The following MIA2 variants were observed in gnomAD, a reference collection of about 807,000 sequenced individuals.
The protein encoded by MIA2 is MIA SH3 domain ER export factor 2, also known as melanoma inhibitory activity protein 2.
In MIA2, 127 loss-of-function variants were observed where a neutral mutation model predicts 167.8. That is an observed-to-expected ratio of 0.76 (90% CI 0.66 to 0.88). The LOEUF is 0.88. Ranked by LOEUF, MIA2 falls within the 40% of genes least tolerant of loss-of-function variation. The pLI, the probability that MIA2 is intolerant of heterozygous loss-of-function variation, is 0.00. For missense variants in MIA2, 1,690 were observed against 1,624.7 expected (o/e 1.04, Z -0.69); for synonymous variants, 552 against 541.9 (o/e 1.02, Z -0.26).
chr14:39,314,183 C>T (rs1159219447), intron 19 of MIA2, among the ~76,000 whole-genome samples: 3 of 152,108 alleles, frequency 2.0e-5, no homozygotes, highest in Non-Finnish European at 4.4e-5. Flanking sequence ...GTCAGGAATT[C>T]GAGCCCAGCC....
At chr14:39,289,390 T>G (rs2060411825) in intron 9 of MIA2, among the ~76,000 whole-genome samples, 1 of 152,108 alleles carries the variant, frequency 6.6e-6, no homozygotes, top group Non-Finnish European at 1.5e-5. Flanking sequence ...AATTTTTGTA[T>G]TTTTAGTAGA....
At chr14:39,266,781 G>C (rs942459759) in intron 6 of MIA2, 2 of 982,320 alleles carry the variant, frequency 2.0e-6, no homozygotes, top group Non-Finnish European at 2.4e-6. Context: ...AGGCTCCAGC[G>C]AGGCTGCGGA....
intron 2 of MIA2, 149 bp downstream of exon 2, chr14:39,237,204 T>G: frequency 1.2e-6 from 1 of 856,792 alleles, no homozygotes; most frequent in Middle Eastern, 3.1e-4. Flanking sequence ...CACTACAACT[T>G]CCAGCTTCCA....
intron 4 of MIA2, among the ~76,000 whole-genome samples, chr14:39,252,376 G>A (rs1292292384): frequency 6.6e-6 from 1 of 152,112 alleles, no homozygotes; most frequent in Non-Finnish European, 1.5e-5. Flanking sequence ...TGAAAATGGA[G>A]GATGGGGCCA....
chr14:39,277,730 A>T (rs1229359743), intron 7 of MIA2, among the ~76,000 whole-genome samples: 3 of 4,804 alleles, frequency 6.2e-4, no homozygotes, highest in African/African-American at 3.9e-3. Context: ...GTATATATAT[A>T]TATATATATA....
intron 23 of MIA2, chr14:39,385,324 T>TAA (rs149444734): frequency 1.2e-3 from 796 of 655,924 alleles, no homozygotes; most frequent in South Asian, 4.6e-3. Flanking sequence ...AAATCCTCTT[T>TAA]AAAAAAAAAA....
In MIA2 at chr14:39,288,213, C is replaced by T. The variant is rs1298032307; in HGVS notation, c.2131-2806C>T. ...GTGAGGGTGTGTGCCTATAGTCCCA[C>T]CTACTTGGGAGCATGAGGTGGGAGG... On this transcript the variant is annotated intron_variant, in intron 9 of 28. Coordinates refer to ENST00000640607, the MANE Select transcript of MIA2 (RefSeq NM_001329214.4). 2.0e-5 allele frequency among the ~76,000 whole-genome samples: 3 copies of T among 151,606 alleles called. No homozygotes were observed. In the East Asian group the frequency reaches 5.8e-4, roughly 29 times the overall value.
At chr14:39,265,275 A>G in intron 6 of MIA2, 1 of 799,936 alleles carries the variant, frequency 1.3e-6, no homozygotes, top group Non-Finnish European at 2.1e-6. Flanking sequence ...AAACGGGATC[A>G]CAGTGTGGAA....
intron 25 of MIA2, among the ~76,000 whole-genome samples, chr14:39,332,115 A>C (rs7149197): frequency 0.2 from 30,332 of 151,966 alleles, 3,000 homozygotes; most frequent in Middle Eastern, 0.28. Flanking sequence ...ATAGTCCCAT[A>C]TTTCTTGGAG....
chr14:39,279,092 T>C (rs2058557123), intron 7 of MIA2, among the ~76,000 whole-genome samples: 1 of 131,696 alleles, frequency 7.6e-6, no homozygotes, highest in Non-Finnish European at 1.5e-5. Context: ...ACCCAGGAGG[T>C]GGAGGTTGCA....
chr14:39,243,679 A>C (rs1279202911), intron 3 of MIA2, among the ~76,000 whole-genome samples: 1 of 152,170 alleles, frequency 6.6e-6, no homozygotes, highest in Non-Finnish European at 1.5e-5. Context: ...CAGCCTGACC[A>C]ATACGGTGAA....
chr14:39,290,367 C>G (rs2060566295), intron 9 of MIA2, among the ~76,000 whole-genome samples: 1 of 151,074 alleles, frequency 6.6e-6, no homozygotes, highest in Non-Finnish European at 1.5e-5. Flanking sequence ...TTTTCTTGTT[C>G]TTGCCAGAAA....
At chr14:39,362,379 G>C (rs1234131625) in intron 23 of MIA2, among the ~76,000 whole-genome samples, 1 of 152,092 alleles carries the variant, frequency 6.6e-6, no homozygotes, top group Non-Finnish European at 1.5e-5. Flanking sequence ...TTATTGGTCT[G>C]TTCAGGTTTT....
intron 3 of MIA2, among the ~76,000 whole-genome samples, chr14:39,245,723 C>T (rs538586098): frequency 6.6e-5 from 10 of 152,178 alleles, no homozygotes; most frequent in South Asian, 4.1e-4. Context: ...GCAAGACAGG[C>T]GCTGAACTGG....
intron 6 of MIA2, chr14:39,269,073 A>AGTTTTTTTT (rs2056602097): frequency 1.1e-5 from 4 of 362,210 alleles, no homozygotes; most frequent in East Asian, 2.8e-4. Flanking sequence ...TCACCTGCAC[A>AGTTTTTTTT]GTTTTTTTTT....
intron 6 of MIA2, chr14:39,265,443 A>G (rs776492481): frequency 6.3e-7 from 1 of 1,588,806 alleles, no homozygotes; most frequent in Non-Finnish European, 8.6e-7. Context: ...ACTATTAAGC[A>G]TACTGAAACA....
intron 25 of MIA2, among the ~76,000 whole-genome samples, chr14:39,344,903 T>C (rs2072883727): frequency 6.6e-6 from 1 of 152,086 alleles, no homozygotes; most frequent in Non-Finnish European, 1.5e-5. Flanking sequence ...TGCACCAACC[T>C]AATACCATAT....
intron 23 of MIA2, chr14:39,385,734 T>C (rs1433568035): frequency 1.1e-6 from 1 of 909,404 alleles, no homozygotes; most frequent in East Asian, 2.4e-5. Flanking sequence ...TACGTGTCTC[T>C]ACCGGATTCT....
intron 9 of MIA2, among the ~76,000 whole-genome samples, chr14:39,290,200 G>A (rs1439584722): frequency 6.6e-6 from 1 of 152,096 alleles, no homozygotes; most frequent in East Asian, 1.9e-4. Flanking sequence ...TAGTTTCTTA[G>A]CCCATCAGCC....
Sources: allele counts gnomAD v4.1 joint callset (sites outside exome capture counted in the v4.1 genomes callset), GRCh38; gene constraint gnomAD v4.1.1; transcripts MANE v1.5; gene names NCBI Gene and HGNC (gene_info 2026-07-23, HGNC 2026-07-21).